Variants in FEZ2 observed in about 807,000 individuals in gnomAD.
FEZ2 encodes fasciculation and elongation protein zeta-2.
In FEZ2, 51 loss-of-function variants were observed where a neutral mutation model predicts 40.4. The observed-to-expected ratio is 1.26, with a 90% confidence interval of 1.01 to 1.59. FEZ2 has a LOEUF of 1.59. Among genes scored for constraint, FEZ2 ranks in the 40% most tolerant of loss-of-function variants. The pLI is 0.00. For synonymous variants in FEZ2, 242 were observed against 172.0 expected (o/e 1.41, Z -3.18); for missense variants, 640 against 438.3 (o/e 1.46, Z -4.11).
chr2:36,572,347 C>G (rs1280144436), intron 5 of FEZ2, among the ~76,000 whole-genome samples: 1 of 152,188 alleles, frequency 6.6e-6, no homozygotes, highest in Non-Finnish European at 1.5e-5. Flanking sequence ...TCAACATAAT[C>G]TCAAGATAAA....
At chr2:36,588,086 T>G (rs1432501763) in intron 2 of FEZ2, among the ~76,000 whole-genome samples, 1 of 152,126 alleles carries the variant, frequency 6.6e-6, no homozygotes, top group African/African-American at 2.4e-5. Context: ...TGGAGTGCAG[T>G]GGCGTGATCT....
chr2:36,576,870 C>A (rs964739200), intron 5 of FEZ2, among the ~76,000 whole-genome samples: 6 of 152,194 alleles, frequency 3.9e-5, no homozygotes, highest in Non-Finnish European at 8.8e-5. Flanking sequence ...AGCCTTTAAA[C>A]CCCTCTAGGG....
chr2:36,588,715 G>A (rs1391267142), intron 2 of FEZ2, among the ~76,000 whole-genome samples: 1 of 151,452 alleles, frequency 6.6e-6, no homozygotes, highest in Non-Finnish European at 1.5e-5. Flanking sequence ...AAGTTATATT[G>A]TATCGGTTTT....
chr2:36,598,113 G>A lies in FEZ2; in HGVS notation c.30C>T (p.Phe10=). ...TCCGGGCCGGCTCCTGGAACTCATA[G>A]AAATCCTGCCAGTCCCCGTCCGCCG... MAADGDWQD[F]YEFQEPARSL... The change falls in exon 1 of 8, where the codon TTC becomes TTT. Residue 10 remains phenylalanine (F), a synonymous_variant. Transcript: ENST00000405912. 1 of 1,488,078 alleles carries A rather than the reference G, an allele frequency of 6.7e-7. No homozygotes were observed. The highest frequency in any genetic ancestry group is 1.2e-5 in the South Asian group (1 of 80,170). 92.2% of individuals were successfully genotyped at this position (1,488,078 alleles called of 1,614,324 possible). A position where few individuals can be genotyped will look rare whatever the true frequency, so the allele number is the denominator to read the frequency against.
In FEZ2 at chr2:36,571,844, G is replaced by GA. The variant is rs979148998; in HGVS notation, c.903+6752dup. On this transcript the variant is annotated intron_variant, in intron 5 of 7. Coordinates refer to ENST00000405912, the MANE Select transcript of FEZ2 (RefSeq NM_005102.3). ...AACATGGTGAAACCCCACCTCTACT[G>GA]AAAAAAAAAAAAATACAAAAGTTAG... 8.2e-3 allele frequency among the ~76,000 whole-genome samples: 1,113 copies of GA among 136,386 alleles called. 17 individuals are homozygous for GA. Among genetic ancestry groups the GA allele is most frequent in the African/African-American group, 0.024 (905 of 37,240 alleles). 89.5% of individuals were successfully genotyped at this position (136,386 alleles called of 152,430 possible).
chr2:36,578,788 C>T lies in FEZ2; in HGVS notation c.712G>A (p.Glu238Lys). ...CGTAAAGCCAACTGCTGCACCAGCT[C>T]CTCAGAGTACTCCTTAATGGCAGTC... is the stretch of plus-strand genomic sequence containing the variant. Reference protein sequence around the residue: ...IETAIKEYSEELVQQLALRDE... With the variant: ...IETAIKEYSEKLVQQLALRDE... The change falls in exon 5 of 8, where the codon GAG becomes AAG. Residue 238 changes from glutamate to lysine, a missense_variant. Transcript: ENST00000405912. The T allele has an allele frequency of 9.3e-6, 15 of 1,613,894 alleles. No homozygotes were observed. Among genetic ancestry groups the T allele is most frequent in the Non-Finnish European group, 1.3e-5 (15 of 1,179,800 alleles).
At chr2:36,555,436 C>G (rs1330219484) in intron 7 of FEZ2, 3 of 310,348 alleles carry the variant, frequency 9.7e-6, no homozygotes, top group African/African-American at 6.5e-5. Context: ...TACTACCTCT[C>G]TTGATGTTTA....
chr2:36,579,378 G>T (rs889677124), intron 4 of FEZ2, among the ~76,000 whole-genome samples: 3 of 152,222 alleles, frequency 2.0e-5, no homozygotes, highest in South Asian at 2.1e-4. Flanking sequence ...GATATGGTTT[G>T]TATCTGTGTC....
intron 5 of FEZ2, among the ~76,000 whole-genome samples, chr2:36,567,893 G>A (rs1166145354): frequency 1.3e-5 from 2 of 152,190 alleles, no homozygotes; most frequent in Non-Finnish European, 2.9e-5. Context: ...CAGGAAACGA[G>A]CTGTGTAGAG....
chr2:36,584,348 T>G (rs1402682425), intron 2 of FEZ2, among the ~76,000 whole-genome samples: 6 of 152,238 alleles, frequency 3.9e-5, no homozygotes, highest in African/African-American at 1.4e-4. Flanking sequence ...AAAGTACCAG[T>G]TTCTGTTGCC....
chr2:36,578,772 A>C lies in FEZ2; in HGVS notation c.728T>G (p.Leu243Trp). 2 of 1,614,008 alleles carry C rather than the reference A, an allele frequency of 1.2e-6. No individual in the cohort carries two copies. Among genetic ancestry groups the C allele is most frequent in the Non-Finnish European group, 1.7e-6 (2 of 1,179,886 alleles). The change falls in exon 5 of 8, where the codon TTG (leucine) becomes TGG (tryptophan). Residue 243 changes from leucine (L) to tryptophan (W), a missense_variant. Transcript: ENST00000405912. ...AAACTCCAGTTCATCTCGTAAAGCC[A>C]ACTGCTGCACCAGCTCCTCAGAGTA... ...KEYSEELVQQ[L>W]ALRDELEFEK...
At chr2:36,562,958 A>C (rs1668131419) in intron 5 of FEZ2, among the ~76,000 whole-genome samples, 1 of 152,238 alleles carries the variant, frequency 6.6e-6, no homozygotes, top group Non-Finnish European at 1.5e-5. Context: ...AAAGCTAGAT[A>C]AAAAGTTTCA....
chr2:36,597,151 C>G (rs1669251152), intron 1 of FEZ2, among the ~76,000 whole-genome samples: 1 of 152,126 alleles, frequency 6.6e-6, no homozygotes, highest in Admixed American at 6.5e-5. Context: ...CCAGGGCTCC[C>G]GGGTGGGTCC....
intron 1 of FEZ2, among the ~76,000 whole-genome samples, chr2:36,595,736 G>T (rs917698497): frequency 6.6e-6 from 1 of 152,092 alleles, no homozygotes; most frequent in Non-Finnish European, 1.5e-5. Flanking sequence ...AATATAAAAG[G>T]GACAATGCCA....
At chr2:36,555,447 T>C (rs1230591996) in intron 7 of FEZ2, 4 of 332,376 alleles carry the variant, frequency 1.2e-5, no homozygotes, top group African/African-American at 4.3e-5. Context: ...TTGATGTTTA[T>C]AGTTTAACTG....
chr2:36,570,974 T>C (rs1048139561), intron 5 of FEZ2, among the ~76,000 whole-genome samples: 8 of 152,144 alleles, frequency 5.3e-5, no homozygotes, highest in Admixed American at 4.6e-4. Context: ...CTCTAACACA[T>C]AAAGAAGTCA....
intron 2 of FEZ2, 131 bp downstream of exon 2, chr2:36,590,772 G>A (rs770787543): frequency 1.2e-5 from 8 of 640,370 alleles, no homozygotes; most frequent in Non-Finnish European, 2.3e-5. Context: ...TCAAGACAGA[G>A]CCACCCAAAC....
intron 7 of FEZ2, among the ~76,000 whole-genome samples, chr2:36,553,703 C>T (rs1667881721): frequency 6.6e-6 from 1 of 152,102 alleles, no homozygotes; most frequent in African/African-American, 2.4e-5. Context: ...TTTCTCAGGC[C>T]AAATGAGACC....
chr2:36,583,768 T>C lies in FEZ2; in HGVS notation c.376-299A>G, dbSNP rs565957311. ...GCAAGTCATAGGGAATTACAGTGAA[T>C]AGAAGGGAGAATATGGGCAGGGTTA... On this transcript the variant is annotated intron_variant, in intron 2 of 7. Transcript: ENST00000405912. Among the ~76,000 whole-genome samples, 13 of 152,284 alleles carry C rather than the reference T, an allele frequency of 8.5e-5. No homozygotes were observed. The South Asian group carries it at 1.7e-3, about 19-fold the overall frequency.
Sources: allele counts gnomAD v4.1 joint callset (sites outside exome capture counted in the v4.1 genomes callset), GRCh38; gene constraint gnomAD v4.1.1; transcripts MANE v1.5; gene names NCBI Gene and HGNC (gene_info 2026-07-23, HGNC 2026-07-21).